THOC5: variants seen among roughly 807,000 people sequenced by gnomAD.
The protein encoded by THOC5 is THO complex subunit 5, also known as Fms-interacting protein.
In THOC5, 43 loss-of-function variants were observed where a neutral mutation model predicts 92.9. The ratio of observed to expected loss-of-function variants is 0.46; its 90% CI spans 0.36 to 0.60. The LOEUF (loss-of-function observed/expected upper bound fraction) is 0.60, where lower values mean the gene tolerates loss of function less well. Ranked by LOEUF, THOC5 falls within the 20% of genes least tolerant of loss-of-function variation. The pLI, the probability that THOC5 is intolerant of heterozygous loss-of-function variation, is 0.00. For missense variants in THOC5, 659 were observed against 849.4 expected, an observed-to-expected ratio of 0.78 and a Z score of 2.79; for synonymous variants, 296 against 320.1, an observed-to-expected ratio of 0.92 and a Z score of 0.80.
chr22:29,514,196 G>A (rs544190397), intron 17 of THOC5, among the ~76,000 whole-genome samples: 9 of 152,006 alleles, frequency 5.9e-5, no homozygotes, highest in Non-Finnish European at 7.4e-5. Flanking sequence ...TGATCCACCC[G>A]CCTCCACCTA....
At chr22:29,539,678 A>AT (rs2063838568) in intron 5 of THOC5, among the ~76,000 whole-genome samples, 1 of 152,232 alleles carries the variant, frequency 6.6e-6, no homozygotes, top group Admixed American at 6.5e-5. Context: ...ATCCTTATCC[A>AT]TGCTGTCCAA....
At chr22:29,548,758 T>C (rs567519437) in intron 2 of THOC5, among the ~76,000 whole-genome samples, 2 of 152,166 alleles carry the variant, frequency 1.3e-5, no homozygotes, top group African/African-American at 2.4e-5. Context: ...GCAGATGGAC[T>C]ACCTTCTTCT....
chr22:29,520,480 GTTTT>G (rs200955877), intron 13 of THOC5, among the ~76,000 whole-genome samples: 368 of 151,836 alleles, frequency 2.4e-3, no homozygotes, highest in African/African-American at 8.5e-3. Context: ...CTTCCAGAGG[GTTTT>G]TTTTGTTTTT....
chr22:29,539,747 C>T (rs919547507), intron 5 of THOC5, among the ~76,000 whole-genome samples: 1 of 152,162 alleles, frequency 6.6e-6, no homozygotes, highest in Non-Finnish European at 1.5e-5. Context: ...ACAAATGTCT[C>T]CAAGCTGAGC....
At chr22:29,552,607 G>C (rs1049418000) in intron 1 of THOC5, among the ~76,000 whole-genome samples, 2 of 148,010 alleles carry the variant, frequency 1.4e-5, no homozygotes, top group African/African-American at 5.0e-5. Flanking sequence ...CAGCCGCCCC[G>C]TCGGGTCGGG....
intron 2 of THOC5, among the ~76,000 whole-genome samples, chr22:29,547,868 C>T (rs1002226239): frequency 3.9e-5 from 6 of 152,142 alleles, no homozygotes; most frequent in Non-Finnish European, 7.3e-5. Context: ...TTTATTTTCA[C>T]GCTGCTGATA....
chr22:29,551,034 T>C (rs898829112), intron 1 of THOC5, among the ~76,000 whole-genome samples: 1 of 152,188 alleles, frequency 6.6e-6, no homozygotes, highest in African/African-American at 2.4e-5. Flanking sequence ...TCTAGTTGCA[T>C]TATATTAACT....
chr22:29,531,260 G>C (rs1043514909), intron 8 of THOC5: 1 of 1,012,408 alleles, frequency 9.9e-7, no homozygotes, highest in Middle Eastern at 3.4e-4. Flanking sequence ...AGGTGGGGTG[G>C]GGTGGGGGAG....
chr22:29,514,352 T>C lies in THOC5; in HGVS notation c.1682-2216A>G, dbSNP rs2146440868. Among the ~76,000 whole-genome samples the C allele has an allele frequency of 2.0e-5, 3 of 148,946 alleles. 1 individual carries two copies. The Middle Eastern group carries it at 0.01, about 517-fold the overall frequency. The stretch of plus-strand genomic sequence containing the variant: ...TTTTTTTTGAGATGGAGTCTCGCAC[T>C]GTCACCCAGGCTGGAGTGCAGTGGC... On this transcript the variant is annotated intron_variant, in intron 17 of 19. Coordinates refer to ENST00000490103, the MANE Select transcript of THOC5 (RefSeq NM_003678.5).
At chr22:29,521,947 GGAC>G (rs1468198991) in intron 12 of THOC5, among the ~76,000 whole-genome samples, 151 of 152,244 alleles carry the variant, frequency 9.9e-4, no homozygotes, top group African/African-American at 3.3e-3. Context: ...CTCCATGCTA[GGAC>G]AGTGGAGGCT....
intron 2 of THOC5, among the ~76,000 whole-genome samples, chr22:29,547,808 G>GT (rs1160869419): frequency 6.6e-6 from 1 of 152,058 alleles, no homozygotes; most frequent in East Asian, 1.9e-4. Context: ...ACATTTTCAG[G>GT]TATCTTTTCA....
intron 17 of THOC5, among the ~76,000 whole-genome samples, chr22:29,514,580 T>G (rs891807914): frequency 6.6e-6 from 1 of 152,020 alleles, no homozygotes; most frequent in Non-Finnish European, 1.5e-5. Flanking sequence ...CTTCCCAAAG[T>G]GCTGGGATTA....
chr22:29,507,795 A>G lies in THOC5; in HGVS notation c.*662T>C, dbSNP rs2063152234. On this transcript the variant is annotated 3_prime_UTR_variant, in exon 20 of 20. Coordinates refer to ENST00000490103, the MANE Select transcript of THOC5 (RefSeq NM_003678.5). ...AGTAAGTAACTACTAATAGCATACT[A>G]CTGGTCAACAGCAGGCTATTAGTTA... 6.5e-6 allele frequency: 1 copy of G among 152,712 alleles called. No homozygotes were observed. The highest frequency in any genetic ancestry group is 1.5e-5 in the Non-Finnish European group (1 of 68,470). 9.5% of individuals were successfully genotyped at this position (152,712 alleles called of 1,614,324 possible). A position where few individuals can be genotyped will look rare whatever the true frequency, so the allele number is the denominator to read the frequency against.
intron 12 of THOC5, among the ~76,000 whole-genome samples, chr22:29,522,284 C>T (rs942900701): frequency 2.6e-5 from 4 of 151,650 alleles, no homozygotes; most frequent in Admixed American, 6.6e-5. Flanking sequence ...GGTGTGAACC[C>T]GGGAGACGGA....
chr22:29,517,056 A>G lies in THOC5; in HGVS notation c.1654T>C (p.Tyr552His). 2.5e-6 allele frequency: 4 copies of G among 1,614,120 alleles called. No individual in the cohort carries two copies. Among genetic ancestry groups the G allele is most frequent in the Non-Finnish European group, 3.4e-6 (4 of 1,180,016 alleles). ...GTGCCCCTTTCGATGAGCGCCATGT[A>G]GTAGAGATTGGTGTCCCCAGCCAGT... is the stretch of plus-strand genomic sequence containing the variant. ...AGLAGDTNLY[Y>H]MALIERGTAK... Residue 552 changes from tyrosine to histidine, a missense_variant, in exon 17 of 20, where the codon TAC becomes CAC. Tyr to His is a moderately conservative substitution (Grantham distance 83). Transcript: ENST00000490103.
At position 29,544,469 on chromosome 22, in the gene THOC5, G is replaced by A. The variant is rs770874697; in HGVS notation, c.231C>T (p.Gly77=). ...AEIQDLKSRG[G]KDVAIEIEER... ...TGGTCCCACTCCTTACCACATCCTT[G>A]CCACCCCTGCTCTTCAGGTCTTGGA... Residue 77 remains glycine, a synonymous_variant, in exon 3 of 20, where the codon GGC becomes GGT. Coordinates refer to ENST00000490103, the MANE Select transcript of THOC5 (RefSeq NM_003678.5). The A allele has an allele frequency of 1.2e-6, 2 of 1,613,026 alleles. No individual in the cohort carries two copies. Among genetic ancestry groups the A allele is most frequent in the Admixed American group, 3.3e-5 (2 of 59,978 alleles).
intron 11 of THOC5, among the ~76,000 whole-genome samples, chr22:29,527,621 T>G (rs2063569621): frequency 6.6e-6 from 1 of 152,194 alleles, no homozygotes; most frequent in Non-Finnish European, 1.5e-5. Context: ...GACTGGTATA[T>G]AGGAACCTGT....
Position 29,512,964 on chromosome 22 carries a change from A to AG in THOC5, c.1682-829dup, listed in dbSNP as rs775998414. On this transcript the variant is annotated intron_variant, in intron 17 of 19. Coordinates refer to ENST00000490103, the MANE Select transcript of THOC5 (RefSeq NM_003678.5). ...ATGCCATTCCTTTTTAGTTATTTTTAGGGGGGAGACTTTCACTCTCTGACC... is the reference window on the plus strand; with the variant it reads ...ATGCCATTCCTTTTTAGTTATTTTTAGGGGGGGAGACTTTCACTCTCTGACC... 1.4e-4 allele frequency among the ~76,000 whole-genome samples: 22 copies of AG among 152,248 alleles called. No individual in the cohort carries two copies. The East Asian group carries it at 4.0e-3, about 28-fold the overall frequency.
chr22:29,514,868 G>A (rs2146443340), intron 17 of THOC5, among the ~76,000 whole-genome samples: 2 of 151,582 alleles, frequency 1.3e-5, no homozygotes, highest in South Asian at 4.2e-4. Context: ...ACCAACCCCG[G>A]CTAACTTTTA....
Sources: gnomAD v4.1 joint callset for allele counts (sites outside exome capture counted in the v4.1 genomes callset) on GRCh38, gnomAD v4.1.1 for gene constraint, MANE v1.5 for transcripts, NCBI Gene and HGNC (gene_info 2026-07-23, HGNC 2026-07-21) for gene names.